The following DGKG variants were observed in gnomAD, a reference collection of about 807,000 sequenced individuals.
DGKG encodes the protein DAG kinase gamma.
DGKG carries 78 observed loss-of-function variants against 105.3 expected under a neutral mutation model. That is an observed-to-expected ratio of 0.74 (90% CI 0.62 to 0.89). The LOEUF (loss-of-function observed/expected upper bound fraction) is 0.89. DGKG is among the 40% of genes least tolerant of loss of function. The probability of loss-of-function intolerance (pLI) is 0.00; values close to 1 mark genes in which losing one functional copy is unlikely to be tolerated. For missense variants in DGKG, 958 were observed against 1,020.1 expected, an observed-to-expected ratio of 0.94 and a Z score of 0.83; for synonymous variants, 346 against 367.1, an observed-to-expected ratio of 0.94 and a Z score of 0.66.
rs775535836 is a variant in DGKG at position 186,320,503 on chromosome 3, T to TG, written c.-45dup. On this transcript the variant is annotated 5_prime_UTR_variant, in exon 2 of 25. Coordinates refer to ENST00000265022, the MANE Select transcript of DGKG (RefSeq NM_001346.3). ...TGGCTAAAGGGCAGTGATGGAGTTT[T>TG]GTTCACTAGGCTGAAGTGGAGGCCC... The TG allele has an allele frequency of 1.2e-6, 2 of 1,613,976 alleles. No individual in the cohort carries two copies. The highest frequency in any genetic ancestry group is 2.7e-5 in the African/African-American group (2 of 74,936).
intron 1 of DGKG, among the ~76,000 whole-genome samples, chr3:186,351,237 TG>T (rs1726616587): frequency 6.6e-6 from 1 of 152,228 alleles, no homozygotes; most frequent in Non-Finnish European, 1.5e-5. Flanking sequence ...TGGTGTCCTT[TG>T]CTAGTTGTCA....
intron 20 of DGKG, among the ~76,000 whole-genome samples, chr3:186,238,274 T>A (rs974385): frequency 2.1e-5 from 3 of 140,436 alleles, no homozygotes; most frequent in African/African-American, 5.4e-5. Flanking sequence ...CCAGGCCAGG[T>A]GACAGAATGA....
intron 18 of DGKG, among the ~76,000 whole-genome samples, 197 bp downstream of exon 18, chr3:186,252,896 A>G (rs1721291115): frequency 6.6e-6 from 1 of 152,236 alleles, no homozygotes; most frequent in East Asian, 1.9e-4. Context: ...CCCAGAGCCC[A>G]GAAGAGGGGC....
chr3:186,161,969 ACTGCAACCT>A (rs1466934279), intron 23 of DGKG, among the ~76,000 whole-genome samples: 5 of 152,088 alleles, frequency 3.3e-5, no homozygotes, highest in Admixed American at 2.6e-4. Flanking sequence ...ATCTTGGCTC[ACTGCAACCT>A]CTGCCTCCCG....
intron 21 of DGKG, among the ~76,000 whole-genome samples, chr3:186,193,008 T>C (rs1717980490): frequency 6.6e-6 from 1 of 152,194 alleles, no homozygotes; most frequent in African/African-American, 2.4e-5. Context: ...ATTAACTTGG[T>C]AAACGTTTAC....
chr3:186,300,219 T>A (rs1723857175), intron 3 of DGKG, among the ~76,000 whole-genome samples: 1 of 152,184 alleles, frequency 6.6e-6, no homozygotes, highest in African/African-American at 2.4e-5. Flanking sequence ...CATTTTCTTT[T>A]CATTTACCTG....
intron 21 of DGKG, among the ~76,000 whole-genome samples, chr3:186,194,783 A>ACT (rs1718091680): frequency 9.9e-6 from 1 of 101,394 alleles, no homozygotes; most frequent in African/African-American, 3.8e-5. Flanking sequence ...ATCTTCCACG[A>ACT]CTCTTTCTTG....
intron 21 of DGKG, among the ~76,000 whole-genome samples, chr3:186,206,055 C>T (rs1472406732): frequency 2.0e-5 from 3 of 152,070 alleles, no homozygotes; most frequent in Non-Finnish European, 4.4e-5. Context: ...GCTGGCTGAC[C>T]TTCCCTTGTG....
intron 4 of DGKG, 116 bp from the exon 5 acceptor site, chr3:186,297,599 G>T (rs933362585): frequency 4.0e-6 from 3 of 746,650 alleles, no homozygotes; most frequent in Admixed American, 2.1e-5. Flanking sequence ...GTGTCTCGGG[G>T]TTATGTGTCA....
At chr3:186,291,774 A>G (rs538755052) in intron 5 of DGKG, among the ~76,000 whole-genome samples, 20 of 152,324 alleles carry the variant, frequency 1.3e-4, no homozygotes, top group African/African-American at 4.6e-4. Context: ...AGGGATTACA[A>G]AGAAAACTTT....
intron 21 of DGKG, among the ~76,000 whole-genome samples, chr3:186,194,888 G>A (rs570574808): frequency 6.6e-6 from 1 of 151,078 alleles, no homozygotes; most frequent in East Asian, 2.0e-4. Flanking sequence ...TGGATTACCT[G>A]AGGTCAGGAG....
At position 186,253,109 on chromosome 3, in the gene DGKG, A is replaced by G; in HGVS notation, c.1584T>C (p.Cys528=). 1 of 1,614,218 alleles carries G rather than the reference A, an allele frequency of 6.2e-7. No homozygotes were observed. Among genetic ancestry groups the G allele is most frequent in the East Asian group, 2.2e-5 (1 of 44,886 alleles). The part of the protein sequence containing the change: ...PLGTGNDLAR[C]LRWGGGYEGG... ...CAAACTCACCTCCTCCCCAGCGGAGACAACGGGCAAGGTCATTTCCTGTTC... is the reference window on the plus strand; with the variant it reads ...CAAACTCACCTCCTCCCCAGCGGAGGCAACGGGCAAGGTCATTTCCTGTTC... The change falls in exon 18 of 25, where the codon TGT becomes TGC. Residue 528 remains cysteine, a synonymous_variant. Coordinates refer to ENST00000265022, the MANE Select transcript of DGKG (RefSeq NM_001346.3).
intron 21 of DGKG, among the ~76,000 whole-genome samples, chr3:186,199,669 C>T (rs1286278116): frequency 6.6e-6 from 1 of 152,140 alleles, no homozygotes; most frequent in Non-Finnish European, 1.5e-5. Flanking sequence ...CACACCACCA[C>T]ATCCGGCTAA....
At chr3:186,256,014 G>T (rs1211834761) in intron 17 of DGKG, among the ~76,000 whole-genome samples, 1 of 152,150 alleles carries the variant, frequency 6.6e-6, no homozygotes, top group Admixed American at 6.5e-5. Flanking sequence ...CGGATGAACT[G>T]CATAAAGCTC....
At position 186,298,097 on chromosome 3, in the gene DGKG, C is replaced by T. The variant is rs1168355570; in HGVS notation, c.277G>A (p.Glu93Lys). ...PRHETSDHPT[E>K]GASNSEANSA... The stretch of plus-strand genomic sequence containing the variant: ...TTGGCCTCACTGTTGCTGGCTCCCT[C>T]CGTCGGGTGGTCAGAGGTCTCGTGT... The change falls in exon 4 of 25, where the codon GAG (glutamate) becomes AAG (lysine). Residue 93 changes from glutamate (E) to lysine (K), a missense_variant. By Grantham distance (56) the Glu-to-Lys change is moderately conservative (BLOSUM62 1). Transcript: ENST00000265022. 1 of 1,613,366 alleles carries T rather than the reference C, an allele frequency of 6.2e-7. No homozygotes were observed. Among genetic ancestry groups the T allele is most frequent in the Admixed American group, 1.7e-5 (1 of 59,900 alleles).
chr3:186,250,900 C>T (rs767045965), intron 19 of DGKG, among the ~76,000 whole-genome samples: 1 of 151,996 alleles, frequency 6.6e-6, no homozygotes, highest in South Asian at 2.1e-4. Context: ...GTTGCACTCC[C>T]ACCCCCTCCC....
At chr3:186,235,347 G>A (rs1035787708) in intron 20 of DGKG, among the ~76,000 whole-genome samples, 1 of 152,204 alleles carries the variant, frequency 6.6e-6, no homozygotes, top group Non-Finnish European at 1.5e-5. Context: ...GAGGGAAGCA[G>A]GTGCAGACAG....
intron 20 of DGKG, among the ~76,000 whole-genome samples, chr3:186,222,168 CAGTCTT>C (rs761170910): frequency 4.6e-5 from 7 of 152,210 alleles, no homozygotes; most frequent in Non-Finnish European, 5.9e-5. Context: ...GCTCCCCAGC[CAGTCTT>C]TCTGAACACG....
chr3:186,245,006 G>C (rs1720870955), intron 19 of DGKG, among the ~76,000 whole-genome samples: 1 of 151,880 alleles, frequency 6.6e-6, no homozygotes, highest in African/African-American at 2.4e-5. Context: ...ATTTTCGTCT[G>C]TCAGGAAAAA....
Sources: gnomAD v4.1 joint callset for allele counts (sites outside exome capture counted in the v4.1 genomes callset) on GRCh38, gnomAD v4.1.1 for gene constraint, MANE v1.5 for transcripts, NCBI Gene and HGNC (gene_info 2026-07-23, HGNC 2026-07-21) for gene names.